PLCL1: variants seen among roughly 807,000 people sequenced by gnomAD.
PLCL1 encodes the protein phospholipase C like 1 (inactive).
PLCL1 carries 41 observed loss-of-function variants against 84.4 expected under a neutral mutation model. The ratio of observed to expected loss-of-function variants is 0.49; its 90% CI spans 0.38 to 0.63. PLCL1 has a LOEUF of 0.63. Ranked by LOEUF, PLCL1 falls within the 30% of genes least tolerant of loss-of-function variation. PLCL1 has a pLI of 0.00. For synonymous variants in PLCL1, 490 were observed against 488.3 expected (o/e 1.00, Z -0.05); for missense variants, 1,206 against 1,367.8 (o/e 0.88, Z 1.87).
chr2:198,091,636 C>A (rs1362536828), intron 3 of PLCL1, among the ~76,000 whole-genome samples: 1 of 150,768 alleles, frequency 6.6e-6, no homozygotes, highest in African/African-American at 2.4e-5. Context: ...GCCGAGACTG[C>A]GCCATCGCAC....
chr2:198,071,274 A>T (rs1013891688), intron 1 of PLCL1, among the ~76,000 whole-genome samples: 1 of 151,960 alleles, frequency 6.6e-6, no homozygotes, highest in Non-Finnish European at 1.5e-5. Flanking sequence ...CTTACTTTTT[A>T]AAATATCAGC....
Position 197,805,142 on chromosome 2 carries a change from G to T in PLCL1, c.43G>T (p.Asp15Tyr). The T allele has an allele frequency of 7.6e-7, 1 of 1,311,652 alleles. No individual in the cohort carries two copies. Among genetic ancestry groups the T allele is most frequent in the Non-Finnish European group, 9.7e-7 (1 of 1,035,306 alleles). The allele number at this position is 1,311,652 out of a possible 1,614,324, so 81.3% of individuals were successfully genotyped here. ...AAGREDPAPP[D>Y]AAGGEDDPRV... is the part of the protein sequence containing the mutation. ...CGGCAGGGAGGATCCGGCGCCGCCC[G>T]ACGCGGCGGGGGGCGAAGACGACCC... The change falls in exon 1 of 6, where the codon GAC (aspartate) becomes TAC (tyrosine). Residue 15 changes from aspartate (D) to tyrosine (Y), a missense_variant. Asp to Tyr is a radical substitution (Grantham distance 160, BLOSUM62 -3). Coordinates refer to ENST00000428675, the MANE Select transcript of PLCL1 (RefSeq NM_006226.4). The surrounding 1 kb of genome is among the most constrained non-coding windows in gnomAD (Gnocchi z 4.0).
intron 1 of PLCL1, among the ~76,000 whole-genome samples, chr2:197,806,738 T>C (rs539017204): frequency 6.6e-6 from 1 of 152,346 alleles, no homozygotes; most frequent in South Asian, 2.1e-4. Context: ...AGGAAACACA[T>C]ACATTTTGGA....
At chr2:197,825,449 G>A (rs1402902523) in intron 1 of PLCL1, among the ~76,000 whole-genome samples, 9 of 152,168 alleles carry the variant, frequency 5.9e-5, no homozygotes, top group African/African-American at 2.2e-4. Context: ...CCTATAAACA[G>A]TGGGAAATTA....
At chr2:198,079,434 A>G (rs537232709) in intron 1 of PLCL1, among the ~76,000 whole-genome samples, 4 of 152,070 alleles carry the variant, frequency 2.6e-5, no homozygotes, top group African/African-American at 9.6e-5. Context: ...ACATTTGGCC[A>G]TTTTCCCCTT....
At chr2:197,984,786 C>T (rs1204087011) in intron 1 of PLCL1, among the ~76,000 whole-genome samples, 3 of 152,136 alleles carry the variant, frequency 2.0e-5, no homozygotes, top group East Asian at 1.9e-4. Context: ...GTTATTACTT[C>T]GTTGGCTTCT....
intron 5 of PLCL1, among the ~76,000 whole-genome samples, chr2:198,143,819 T>G (rs1694448643): frequency 6.6e-6 from 1 of 152,184 alleles, no homozygotes; most frequent in South Asian, 2.1e-4. Context: ...AACAGAAGTT[T>G]ATATCATGTT....
intron 1 of PLCL1, among the ~76,000 whole-genome samples, chr2:197,863,837 A>G (rs1381044992): frequency 2.0e-5 from 3 of 152,166 alleles, no homozygotes; most frequent in Non-Finnish European, 4.4e-5. Flanking sequence ...CTCTATAAGG[A>G]ACAGTGTCAG....
chr2:198,015,955 A>C (rs1486462543), intron 1 of PLCL1, among the ~76,000 whole-genome samples: 2 of 152,230 alleles, frequency 1.3e-5, no homozygotes, highest in Non-Finnish European at 2.9e-5. Context: ...ACCTGACATG[A>C]TCTTTCTAAA....
intron 1 of PLCL1, among the ~76,000 whole-genome samples, chr2:197,844,526 T>C (rs958898844): frequency 2.0e-5 from 3 of 152,172 alleles, no homozygotes; most frequent in African/African-American, 7.2e-5. Flanking sequence ...TTACACTTAC[T>C]GTCACTCTTA....
chr2:197,848,103 C>A (rs1468676867), intron 1 of PLCL1, among the ~76,000 whole-genome samples: 1 of 152,182 alleles, frequency 6.6e-6, no homozygotes, highest in East Asian at 1.9e-4. Flanking sequence ...CACATATATA[C>A]TAAAGTATAC....
chr2:198,046,797 C>T (rs1391960133), intron 1 of PLCL1, among the ~76,000 whole-genome samples: 1 of 152,072 alleles, frequency 6.6e-6, no homozygotes, highest in African/African-American at 2.4e-5. Flanking sequence ...TGTGATTGAG[C>T]CCCTGCACTC....
At chr2:197,999,848 G>A (rs577201879) in intron 1 of PLCL1, among the ~76,000 whole-genome samples, 6 of 151,994 alleles carry the variant, frequency 3.9e-5, no homozygotes, top group African/African-American at 1.2e-4. Flanking sequence ...TAATACGTAT[G>A]TGTGTGTGTG....
Position 198,085,312 on chromosome 2 carries a change from G to C in PLCL1, c.1795G>C (p.Asp599His), listed in dbSNP as rs903762120. 1.9e-6 allele frequency: 3 copies of C among 1,613,340 alleles called. No individual in the cohort carries two copies. Among genetic ancestry groups the C allele is most frequent in the African/African-American group, 2.7e-5 (2 of 74,902 alleles). ...VSICKSVQYR[D>H]FELSMKSQNY... Reference sequence around the variant, plus strand: ...TATTTGTAAATCTGTTCAATACAGGGATTTTGAACTATCTATGAAAAGCCA... The same window carrying C: ...TATTTGTAAATCTGTTCAATACAGGCATTTTGAACTATCTATGAAAAGCCA... The change falls in exon 2 of 6, where the codon GAT becomes CAT. Residue 599 changes from aspartate to histidine, a missense_variant. Physicochemically the swap from Asp to His is moderately conservative, Grantham distance 81. Coordinates refer to ENST00000428675, the MANE Select transcript of PLCL1 (RefSeq NM_006226.4). This position sits in a 1 kb window ranked among gnomAD's most constrained non-coding sequence, Gnocchi z 5.3.
intron 5 of PLCL1, among the ~76,000 whole-genome samples, chr2:198,122,070 G>T (rs918436446): frequency 9.9e-5 from 15 of 152,060 alleles, no homozygotes; most frequent in African/African-American, 3.4e-4. Flanking sequence ...ACAATTTTTA[G>T]TGGCCCTATT....
chr2:197,995,553 T>C (rs1690440401), intron 1 of PLCL1, among the ~76,000 whole-genome samples: 1 of 152,066 alleles, frequency 6.6e-6, no homozygotes, highest in South Asian at 2.1e-4. Flanking sequence ...TGAGGGTTTA[T>C]GAGGCAATAG....
intron 5 of PLCL1, among the ~76,000 whole-genome samples, chr2:198,139,114 C>T (rs1467177369): frequency 1.3e-5 from 2 of 151,960 alleles, no homozygotes; most frequent in Non-Finnish European, 2.9e-5. Context: ...AAGATCGCAC[C>T]ATTGCACTCC....
chr2:197,934,976 T>C (rs1413585395), intron 1 of PLCL1, among the ~76,000 whole-genome samples: 1 of 151,988 alleles, frequency 6.6e-6, no homozygotes, highest in East Asian at 1.9e-4. Context: ...GCAAAGGACA[T>C]GAACAGACAC....
chr2:197,905,186 G>A (rs556003168), intron 1 of PLCL1, among the ~76,000 whole-genome samples: 11 of 152,152 alleles, frequency 7.2e-5, no homozygotes, highest in South Asian at 4.2e-4. Context: ...CCATCAACCC[G>A]TCATCCAGGT....
Sources: gnomAD v4.1 joint callset for allele counts (sites outside exome capture counted in the v4.1 genomes callset) on GRCh38, gnomAD v4.1.1 for gene constraint, Gnocchi (gnomAD v3.1) non-coding constraint, MANE v1.5 for transcripts, NCBI Gene and HGNC (gene_info 2026-07-23, HGNC 2026-07-21) for gene names.